Variants in DNAJC6 observed in about 807,000 individuals in gnomAD.
DNAJC6 encodes the protein auxilin.
Under a neutral mutation model 110.0 loss-of-function variants are expected in DNAJC6, and 34 were observed. The observed-to-expected ratio is 0.31, with a 90% CI of 0.24 to 0.41. The LOEUF (loss-of-function observed/expected upper bound fraction) is 0.41. DNAJC6 is among the 10% of genes least tolerant of loss of function. The pLI is 1.00. For synonymous variants in DNAJC6, 406 were observed against 437.2 expected (o/e 0.93, Z 0.89); for missense variants, 1,031 against 1,207.8 (o/e 0.85, Z 2.17).
intron 1 of DNAJC6, among the ~76,000 whole-genome samples, chr1:65,324,809 T>G (rs939253620): frequency 1.3e-5 from 2 of 152,228 alleles, no homozygotes; most frequent in African/African-American, 4.8e-5. Context: ...GAACTGTTAC[T>G]GGTCTCTAGT....
intron 1 of DNAJC6, among the ~76,000 whole-genome samples, chr1:65,359,581 C>A (rs574468638): frequency 7.2e-5 from 11 of 152,188 alleles, no homozygotes; most frequent in Non-Finnish European, 1.3e-4. Flanking sequence ...ACCCTCAAAT[C>A]CCTGAGGACC....
At chr1:65,279,119 C>T (rs1045010732) in intron 1 of DNAJC6, 1 of 985,294 alleles carries the variant, frequency 1.0e-6, no homozygotes, top group Admixed American at 6.1e-5. Flanking sequence ...GAGCCCAGCA[C>T]AAGGTATGTT....
intron 5 of DNAJC6, among the ~76,000 whole-genome samples, chr1:65,380,890 G>GTTTTTTTTGTTTTGTTT (rs1557551919): frequency 3.4e-5 from 4 of 118,756 alleles, no homozygotes; most frequent in Admixed American, 8.0e-5. Context: ...GGGGGAGGGA[G>GTTTTTTTTGTTTTGTTT]TTTTTTTTTT....
At chr1:65,347,544 A>G (rs987082117) in intron 1 of DNAJC6, among the ~76,000 whole-genome samples, 1 of 152,006 alleles carries the variant, frequency 6.6e-6, no homozygotes, top group Non-Finnish European at 1.5e-5. Context: ...ATAGATATAT[A>G]TGATATTATT....
At chr1:65,340,482 G>A (rs1174597058) in intron 1 of DNAJC6, among the ~76,000 whole-genome samples, 6 of 152,196 alleles carry the variant, frequency 3.9e-5, no homozygotes, top group African/African-American at 1.4e-4. Flanking sequence ...CTGTCAAAAA[G>A]AGGTAAGGAA....
chr1:65,328,311 T>C (rs543743811), intron 1 of DNAJC6, among the ~76,000 whole-genome samples: 1 of 152,354 alleles, frequency 6.6e-6, no homozygotes, highest in African/African-American at 2.4e-5. Flanking sequence ...AACTATGTTC[T>C]TTATCTGCAT....
chr1:65,387,008 A>G, intron 8 of DNAJC6, 79 bp downstream of exon 8: 1 of 1,235,226 alleles, frequency 8.1e-7, no homozygotes, highest in Non-Finnish European at 1.2e-6. Flanking sequence ...TCTCCCCATC[A>G]CTTTGGGCTT....
At chr1:65,311,513 C>G (rs1423547429) in intron 1 of DNAJC6, among the ~76,000 whole-genome samples, 1 of 152,134 alleles carries the variant, frequency 6.6e-6, no homozygotes, top group Non-Finnish European at 1.5e-5. Context: ...GCATGAGCCA[C>G]CGCGCCCAGG....
chr1:65,370,552 C>A (rs1039727675), intron 4 of DNAJC6, among the ~76,000 whole-genome samples: 11 of 152,288 alleles, frequency 7.2e-5, no homozygotes, highest in Admixed American at 7.2e-4. Flanking sequence ...TACACTAAGT[C>A]TAACCTGATT....
At chr1:65,308,697 A>T (rs959470684), upstream of DNAJC6, among the ~76,000 whole-genome samples, 2 of 152,166 alleles carry the variant, frequency 1.3e-5, no homozygotes, top group African/African-American at 2.4e-5. Flanking sequence ...TGGGGAAAAA[A>T]AATCCTTGTC....
intron 1 of DNAJC6, among the ~76,000 whole-genome samples, chr1:65,338,653 C>A (rs1645360244): frequency 6.6e-6 from 1 of 152,194 alleles, no homozygotes; most frequent in Non-Finnish European, 1.5e-5. Context: ...TCACAGGTAA[C>A]TCTCTTTCAA....
At chr1:65,401,650 CCCTGT>C in intron 14 of DNAJC6, 106 bp from the exon 15 acceptor site, 1 of 1,440,214 alleles carries the variant, frequency 6.9e-7, no homozygotes, top group Non-Finnish European at 9.2e-7. Context: ...CATTTTCAAA[CCCTGT>C]CCTAATTTGC....
At chr1:65,349,754 G>A (rs558635604) in intron 1 of DNAJC6, among the ~76,000 whole-genome samples, 5 of 111,810 alleles carry the variant, frequency 4.5e-5, no homozygotes, top group African/African-American at 1.9e-4. Flanking sequence ...TTTCTCATTG[G>A]CAGTCTTATT....
chr1:65,351,567 A>G (rs1388842896), intron 1 of DNAJC6, among the ~76,000 whole-genome samples: 1 of 152,164 alleles, frequency 6.6e-6, no homozygotes, highest in Non-Finnish European at 1.5e-5. Context: ...TTTATCTGAA[A>G]TGTTTCTTGG....
intron 1 of DNAJC6, among the ~76,000 whole-genome samples, chr1:65,334,712 G>A (rs1216580189): frequency 6.6e-6 from 1 of 152,198 alleles, no homozygotes; most frequent in Non-Finnish European, 1.5e-5. Context: ...GTAAGGAGTA[G>A]TGGGTGTGTA....
chr1:65,309,560 G>A lies in DNAJC6; in HGVS notation c.-186G>A. ...GGCGCCCCGAGCCGAGCTCAGCCCA[G>A]GGCGGCGGCTTCGCCTCGCCCGGCG... On this transcript the variant is annotated 5_prime_UTR_variant, in exon 1 of 19. Coordinates refer to ENST00000371069, the MANE Select transcript of DNAJC6 (RefSeq NM_001256864.2). 2.5e-6 allele frequency: 3 copies of A among 1,220,756 alleles called. No homozygotes were observed. Among genetic ancestry groups the A allele is most frequent in the Non-Finnish European group, 3.1e-6 (3 of 979,448 alleles). 75.6% of individuals were successfully genotyped at this position (1,220,756 alleles called of 1,614,324 possible). A position where few individuals can be genotyped will look rare whatever the true frequency, so the allele number is the denominator to read the frequency against.
At chr1:65,371,274 A>C (rs1645703039) in intron 4 of DNAJC6, among the ~76,000 whole-genome samples, 1 of 152,192 alleles carries the variant, frequency 6.6e-6, no homozygotes, top group Non-Finnish European at 1.5e-5. Flanking sequence ...CCCTAGGTTC[A>C]CATCTCAGCT....
intron 1 of DNAJC6, among the ~76,000 whole-genome samples, chr1:65,323,621 GT>G (rs1312493740): frequency 6.6e-6 from 1 of 151,998 alleles, no homozygotes; most frequent in African/African-American, 2.4e-5. Flanking sequence ...TCTGAAGCAG[GT>G]TCTTACCCTG....
At chr1:65,339,644 C>G (rs1298377955) in intron 1 of DNAJC6, among the ~76,000 whole-genome samples, 3 of 152,152 alleles carry the variant, frequency 2.0e-5, no homozygotes, top group Non-Finnish European at 4.4e-5. Flanking sequence ...TTGACTCACC[C>G]CATCTTGCCT....
Sources: allele counts gnomAD v4.1 joint callset (sites outside exome capture counted in the v4.1 genomes callset), GRCh38; gene constraint gnomAD v4.1.1; transcripts MANE v1.5; gene names NCBI Gene and HGNC (gene_info 2026-07-23, HGNC 2026-07-21).